The following PTPRC variants were observed in gnomAD, a reference collection of about 807,000 sequenced individuals.
The protein encoded by PTPRC is receptor-type tyrosine-protein phosphatase C.
PTPRC carries 44 observed loss-of-function variants against 155.9 expected under a neutral mutation model. The ratio of observed to expected loss-of-function variants is 0.28; its 90% CI spans 0.22 to 0.36. The LOEUF is 0.36. Among genes scored for constraint, PTPRC ranks in the 10% least tolerant of loss-of-function variants. The pLI is 1.00. For synonymous variants in PTPRC, 525 were observed against 533.1 expected, an observed-to-expected ratio of 0.98 and a Z score of 0.21; for missense variants, 1,401 against 1,564.6, an observed-to-expected ratio of 0.90 and a Z score of 1.76.
chr1:198,752,219 CA>C (rs777014557), intron 29 of PTPRC, 29 bp from the exon 30 acceptor site: 52 of 1,604,068 alleles, frequency 3.2e-5, no homozygotes, highest in Non-Finnish European at 4.3e-5. Context: ...AAATAGGAAA[CA>C]AATTGTTGAA....
chr1:198,712,776 T>C, intron 11 of PTPRC, 177 bp from the exon 12 acceptor site: 2 of 689,912 alleles, frequency 2.9e-6, no homozygotes, highest in Non-Finnish European at 4.8e-6. Flanking sequence ...ACATTTACTT[T>C]GTTAAAGGAA....
intron 2 of PTPRC, among the ~76,000 whole-genome samples, chr1:198,676,868 T>C (rs1664985488): frequency 2.0e-5 from 3 of 152,182 alleles, no homozygotes; most frequent in African/African-American, 7.2e-5. Flanking sequence ...AGTTGCATGA[T>C]CATAGAAGAT....
At chr1:198,749,974 C>T (rs941932539) in intron 28 of PTPRC, among the ~76,000 whole-genome samples, 1 of 151,752 alleles carries the variant, frequency 6.6e-6, no homozygotes, top group Non-Finnish European at 1.5e-5. Flanking sequence ...TATCCCCCCA[C>T]TTTTTTAATT....
intron 14 of PTPRC, among the ~76,000 whole-genome samples, chr1:198,721,052 T>C (rs1459509568): frequency 1.3e-5 from 2 of 152,214 alleles, no homozygotes; most frequent in Non-Finnish European, 2.9e-5. Context: ...CATATTAAAA[T>C]ACAACCTTAA....
At chr1:198,667,214 A>G (rs999056916) in intron 2 of PTPRC, among the ~76,000 whole-genome samples, 24 of 152,206 alleles carry the variant, frequency 1.6e-4, no homozygotes, top group African/African-American at 4.8e-4. Flanking sequence ...GTCTACACTT[A>G]TTGGCCAGAA....
chr1:198,750,520 C>A lies in PTPRC; in HGVS notation c.3101C>A (p.Ala1034Asp). The A allele has an allele frequency of 1.2e-6, 2 of 1,612,490 alleles. No homozygotes were observed. The highest frequency in any genetic ancestry group is 1.7e-6 in the Non-Finnish European group (2 of 1,178,964). Reference protein sequence around the residue: ...MSYWKPEVMIAAQGPLKETIG... With the variant: ...MSYWKPEVMIDAQGPLKETIG... ...TACTGGAAACCTGAAGTGATGATTG[C>A]TGCTCAGGGACCACTGAAGGAGACC... The change falls in exon 29 of 33, where the codon GCT becomes GAT. Residue 1034 changes from alanine to aspartate, a missense_variant. Ala to Asp is a moderately radical substitution (Grantham distance 126). This residue lies in a region of PTPRC where 400 missense variants were observed against 389.5 expected (regional missense o/e 1.03). Coordinates refer to ENST00000442510, the MANE Select transcript of PTPRC (RefSeq NM_002838.5).
intron 2 of PTPRC, among the ~76,000 whole-genome samples, chr1:198,663,743 C>T (rs551244272): frequency 2.9e-4 from 44 of 152,294 alleles, no homozygotes; most frequent in Non-Finnish European, 5.3e-4. Context: ...CTTTGTGCCT[C>T]AGTTTCCTTA....
intron 32 of PTPRC, 34 bp downstream of exon 32, chr1:198,754,438 C>T (rs1036788158): frequency 5.6e-6 from 9 of 1,610,930 alleles, no homozygotes; most frequent in African/African-American, 1.3e-5. Flanking sequence ...TTAACATGCT[C>T]GGAATTTTTT....
At chr1:198,656,677 T>G (rs1663596407) in intron 2 of PTPRC, among the ~76,000 whole-genome samples, 1 of 150,634 alleles carries the variant, frequency 6.6e-6, no homozygotes, top group African/African-American at 2.4e-5. Context: ...TGTCATACAT[T>G]ACTGCAAGTT....
rs910029715 is a variant in PTPRC at position 198,683,413 on chromosome 1, A to G, written c.74-8934A>G. On this transcript the variant is annotated intron_variant, in intron 2 of 32. Coordinates refer to ENST00000442510, the MANE Select transcript of PTPRC (RefSeq NM_002838.5). ...CTTACTAAGGGATTAATATAATTAA[A>G]TGGTTTTTGCTATCTGAAGTATATT... 2.6e-5 allele frequency among the ~76,000 whole-genome samples: 4 copies of G among 152,246 alleles called. No individual in the cohort carries two copies. In the East Asian group the frequency reaches 7.7e-4, roughly 29 times the overall value.
intron 7 of PTPRC, among the ~76,000 whole-genome samples, chr1:198,704,062 A>G (rs1666603296): frequency 6.6e-6 from 1 of 152,142 alleles, no homozygotes; most frequent in Non-Finnish European, 1.5e-5. Flanking sequence ...ATTTTCTCTG[A>G]CTTTTTTTTA....
rs532138059 is a variant in PTPRC at position 198,694,638 on chromosome 1, A to G, written c.101-2074A>G. The G allele has an allele frequency of 6.1e-6, 6 of 985,100 alleles. No homozygotes were observed. In the South Asian group the frequency reaches 2.8e-4, roughly 46 times the overall value. 61.0% of individuals were successfully genotyped at this position (985,100 alleles called of 1,614,324 possible). A position where few individuals can be genotyped will look rare whatever the true frequency, so the allele number is the denominator to read the frequency against. ...ACCAGAATTGGTTTAACCTAAAAAT[A>G]ACAAATTAATAATTATCAAGTCTAT... On this transcript the variant is annotated intron_variant, in intron 3 of 32. Coordinates refer to ENST00000442510, the MANE Select transcript of PTPRC (RefSeq NM_002838.5).
chr1:198,755,176 C>G (rs1655572986), intron 32 of PTPRC, among the ~76,000 whole-genome samples: 1 of 152,042 alleles, frequency 6.6e-6, no homozygotes, highest in South Asian at 2.1e-4. Context: ...TTGAGAGGGC[C>G]TGCAAATTCA....
At chr1:198,744,999 G>C (rs1655074954) in intron 26 of PTPRC, among the ~76,000 whole-genome samples, 1 of 151,778 alleles carries the variant, frequency 6.6e-6, no homozygotes, top group South Asian at 2.1e-4. Context: ...AGAACTAGCA[G>C]ACACAGGGTA....
intron 17 of PTPRC, among the ~76,000 whole-genome samples, chr1:198,731,031 T>G (rs918407517): frequency 6.6e-6 from 1 of 152,134 alleles, no homozygotes; most frequent in African/African-American, 2.4e-5. Flanking sequence ...TTGTAGCTTT[T>G]TATGGTTAGT....
In PTPRC at chr1:198,752,762, A is replaced by C; in HGVS notation, c.3499A>C (p.Ile1167Leu). ...GCATCACAAGAGTACACCTCTACTCATTCACTGCAGGTGCGTGGGATTTGG... is the reference window on the plus strand; with the variant it reads ...GCATCACAAGAGTACACCTCTACTCCTTCACTGCAGGTGCGTGGGATTTGG... ...NKHHKSTPLL[I>L]HCRDGSQQTG... The change falls in exon 31 of 33, where the codon ATT (isoleucine) becomes CTT (leucine). Residue 1167 changes from isoleucine (I) to leucine (L), a missense_variant. Coordinates refer to ENST00000442510, the MANE Select transcript of PTPRC (RefSeq NM_002838.5). The C allele has an allele frequency of 6.2e-7, 1 of 1,612,630 alleles. No individual in the cohort carries two copies. Among genetic ancestry groups the C allele is most frequent in the Non-Finnish European group, 8.5e-7 (1 of 1,179,190 alleles).
intron 2 of PTPRC, among the ~76,000 whole-genome samples, chr1:198,647,565 G>A (rs1265002747): frequency 6.6e-6 from 1 of 151,916 alleles, no homozygotes; most frequent in African/African-American, 2.4e-5. Flanking sequence ...CTAACATTTT[G>A]TTTTTCTTCC....
intron 2 of PTPRC, among the ~76,000 whole-genome samples, chr1:198,675,260 G>A (rs1242582618): frequency 6.6e-6 from 1 of 152,044 alleles, no homozygotes; most frequent in Admixed American, 6.6e-5. Context: ...TTGATGAGAA[G>A]CAAACATCTA....
chr1:198,650,729 A>G (rs1663200495), intron 2 of PTPRC, among the ~76,000 whole-genome samples: 1 of 151,862 alleles, frequency 6.6e-6, no homozygotes. Context: ...AAGGGACTGC[A>G]TGTGACAGTG....
Sources: gnomAD v4.1 joint callset for allele counts (sites outside exome capture counted in the v4.1 genomes callset) on GRCh38, gnomAD v4.1.1 for gene constraint, gnomAD v4.1.1 regional missense constraint, MANE v1.5 for transcripts, NCBI Gene and HGNC (gene_info 2026-07-23, HGNC 2026-07-21) for gene names.